DEFB1: variants seen among roughly 807,000 people sequenced by gnomAD.
DEFB1 encodes the protein beta-defensin 1.
A neutral mutation model predicts 2.6 loss-of-function variants in DEFB1; 4 were observed. The ratio of observed to expected loss-of-function variants is 1.53; its 90% CI spans 0.76 to 3.51. The LOEUF (loss-of-function observed/expected upper bound fraction) is 3.51. Among genes scored for constraint, DEFB1 ranks in the 30% most tolerant of loss-of-function variants. The pLI, the probability that DEFB1 is intolerant of heterozygous loss-of-function variation, is 0.01. For synonymous variants in DEFB1, 56 were observed against 28.5 expected, an observed-to-expected ratio of 1.96 and a Z score of -3.07; for missense variants, 162 against 76.9, an observed-to-expected ratio of 2.11 and a Z score of -4.14.
intron 1 of DEFB1, among the ~76,000 whole-genome samples, chr8:6,874,153 A>G (rs2977775): frequency 0.16 from 22,917 of 141,816 alleles, 2,021 homozygotes; most frequent in Admixed American, 0.23. Flanking sequence ...ACACGCACAC[A>G]CACGCACATG....
intron 1 of DEFB1, among the ~76,000 whole-genome samples, chr8:6,874,353 CT>C (rs924229049): frequency 2.0e-5 from 1 of 48,936 alleles, no homozygotes; most frequent in Non-Finnish European, 4.0e-5. Context: ...TTGAAGATTA[CT>C]TTTTTAAAAA....
At chr8:6,872,870 A>T (rs557872296) in intron 1 of DEFB1, among the ~76,000 whole-genome samples, 4 of 152,332 alleles carry the variant, frequency 2.6e-5, no homozygotes, top group African/African-American at 9.6e-5. Context: ...GTCTCCCTGC[A>T]CTGGAGGCTC....
intron 1 of DEFB1, among the ~76,000 whole-genome samples, chr8:6,872,154 T>G (rs1372586678): frequency 6.6e-6 from 1 of 152,106 alleles, no homozygotes; most frequent in Non-Finnish European, 1.5e-5. Flanking sequence ...TGGATGTGTT[T>G]AAGTTGGCCA....
chr8:6,870,923 C>G lies in DEFB1; in HGVS notation c.62-97G>C. On this transcript the variant is annotated intron_variant, in intron 1 of 1. Coordinates refer to ENST00000297439, the MANE Select transcript of DEFB1 (RefSeq NM_005218.4). ...AGCAGAACAAATAACTGCAAAACAC[C>G]GGAGAGTCTTCTCTTCCAAGAAATT... 5 of 1,328,222 alleles carry G rather than the reference C, an allele frequency of 3.8e-6. No homozygotes were observed. In the South Asian group the frequency reaches 4.5e-5, roughly 12 times the overall value. 82.3% of individuals were successfully genotyped at this position (1,328,222 alleles called of 1,614,324 possible). A position where few individuals can be genotyped will look rare whatever the true frequency, so the allele number is the denominator to read the frequency against.
intron 1 of DEFB1, 28 bp from the exon 2 acceptor site, chr8:6,870,854 GA>G (rs770283057): frequency 6.3e-7 from 1 of 1,588,196 alleles, no homozygotes; most frequent in African/African-American, 1.4e-5. Flanking sequence ...AAACACTTCA[GA>G]CTCATGGCTT....
chr8:6,871,745 C>T (rs1806325853), intron 1 of DEFB1, among the ~76,000 whole-genome samples: 1 of 152,122 alleles, frequency 6.6e-6, no homozygotes, highest in African/African-American at 2.4e-5. Context: ...ATGTGAGGAC[C>T]CAGGGAGGCG....
intron 1 of DEFB1, among the ~76,000 whole-genome samples, chr8:6,871,572 C>T (rs943698583): frequency 6.6e-6 from 1 of 152,154 alleles, no homozygotes; most frequent in Non-Finnish European, 1.5e-5. Flanking sequence ...AAAAGAATTC[C>T]TGTGTCGAAG....
chr8:6,871,247 G>T (rs768089578), intron 1 of DEFB1, among the ~76,000 whole-genome samples: 1 of 152,124 alleles, frequency 6.6e-6, no homozygotes, highest in Non-Finnish European at 1.5e-5. Context: ...CTTCAGTTAC[G>T]CTGTTCCCTC....
intron 1 of DEFB1, among the ~76,000 whole-genome samples, chr8:6,876,419 G>A (rs764191569): frequency 2.6e-5 from 4 of 152,184 alleles, no homozygotes; most frequent in Non-Finnish European, 4.4e-5. Flanking sequence ...GGAGGTTGCA[G>A]TGAGCTGAGA....
intron 1 of DEFB1, among the ~76,000 whole-genome samples, chr8:6,874,973 C>A (rs940691427): frequency 8.8e-6 from 1 of 114,036 alleles, no homozygotes; most frequent in African/African-American, 3.2e-5. Flanking sequence ...CAGAGCGAGA[C>A]TCAGTCTCAA....
intron 1 of DEFB1, among the ~76,000 whole-genome samples, chr8:6,871,972 T>G (rs541948036): frequency 4.6e-5 from 7 of 152,316 alleles, no homozygotes; most frequent in African/African-American, 1.7e-4. Flanking sequence ...ATTCTCATGT[T>G]GCAGATCTCT....
Position 6,876,187 on chromosome 8 carries a change from A to C in DEFB1, c.61+1610T>G, listed in dbSNP as rs5743442. Among the ~76,000 whole-genome samples the C allele has an allele frequency of 2.2e-3, 328 of 152,288 alleles. 4 individuals carry two copies. The highest frequency in any genetic ancestry group is 7.6e-3 in the African/African-American group (315 of 41,552). ...AAGTAATATTTTCTATTCCTTTAAA[A>C]AAACATGGGCTGGGCGTGGTGGCTC... On this transcript the variant is annotated intron_variant, in intron 1 of 1. Coordinates refer to ENST00000297439, the MANE Select transcript of DEFB1 (RefSeq NM_005218.4).
chr8:6,875,297 C>A (rs1197148464), intron 1 of DEFB1, among the ~76,000 whole-genome samples: 1 of 152,134 alleles, frequency 6.6e-6, no homozygotes, highest in Admixed American at 6.6e-5. Flanking sequence ...ATAAAAGCCT[C>A]TTTTCTAGGA....
chr8:6,877,820 A>T lies in DEFB1; in HGVS notation c.38T>A (p.Leu13Ter). The T allele has an allele frequency of 1.9e-6, 3 of 1,614,028 alleles. No homozygotes were observed. The highest frequency in any genetic ancestry group is 2.5e-6 in the Non-Finnish European group (3 of 1,179,912). The change falls in exon 1 of 2, where the codon TTA (leucine) becomes TAA (stop). Residue 13 changes from leucine (L) to a stop codon, truncating the protein, a stop_gained. Coordinates refer to ENST00000297439, the MANE Select transcript of DEFB1 (RefSeq NM_005218.4). LOFTEE classifies it low-confidence loss of function (END_TRUNC). ...TSYLLLFTLC[L>*]LLSEMASGGN... The stretch of plus-strand genomic sequence containing the variant: ...ACCTGAGGCCATCTCAGACAAAAGT[A>T]AGCAGAGAGTAAACAGCAGAAGGTA...
chr8:6,877,590 G>T (rs1207227365), intron 1 of DEFB1, among the ~76,000 whole-genome samples: 1 of 152,204 alleles, frequency 6.6e-6, no homozygotes. Flanking sequence ...ACCCTGCCAG[G>T]CTCACTCCTT....
intron 1 of DEFB1, among the ~76,000 whole-genome samples, chr8:6,876,321 C>G (rs183313043): frequency 6.6e-6 from 1 of 151,988 alleles, no homozygotes; most frequent in East Asian, 1.9e-4. Flanking sequence ...CTAAAAAATA[C>G]AAAAATTAGC....
intron 1 of DEFB1, among the ~76,000 whole-genome samples, chr8:6,871,106 G>A (rs533938753): frequency 3.6e-4 from 55 of 152,300 alleles, no homozygotes; most frequent in African/African-American, 1.2e-3. Context: ...AATGTGCAGG[G>A]AATTCAAGTT....
chr8:6,870,754 A>T lies in DEFB1; in HGVS notation c.134T>A (p.Leu45His). 1 of 1,614,250 alleles carries T rather than the reference A, an allele frequency of 6.2e-7. No homozygotes were observed. The highest frequency in any genetic ancestry group is 1.1e-5 in the South Asian group (1 of 91,092). The change falls in exon 2 of 2, where the codon CTC (leucine) becomes CAC (histidine). Residue 45 changes from leucine (L) to histidine (H), a missense_variant. Transcript: ENST00000297439. ...GGTAAAGATCGGGCAGGCAGAATAG[A>T]GACATTGCCCTCCACTGCTGACGCA... ...YNCVSSGGQC[L>H]YSACPIFTKI...
rs71214967 is a variant in DEFB1 at position 6,875,109 on chromosome 8, C to CA, written c.61+2687_61+2688insT. Among the ~76,000 whole-genome samples, 380 of 145,430 alleles carry CA rather than the reference C, an allele frequency of 2.6e-3. 2 individuals carry two copies. The highest frequency in any genetic ancestry group is 9.4e-3 in the African/African-American group (361 of 38,450). Reference sequence around the variant, plus strand: ...ACACACACACACACACACACACACACCCCATTGCCAGATGGATTGTAAGTC... The same window carrying CA: ...ACACACACACACACACACACACACACACCCATTGCCAGATGGATTGTAAGTC... On this transcript the variant is annotated intron_variant, in intron 1 of 1. Coordinates refer to ENST00000297439, the MANE Select transcript of DEFB1 (RefSeq NM_005218.4).
Sources: allele counts gnomAD v4.1 joint callset (sites outside exome capture counted in the v4.1 genomes callset), GRCh38; gene constraint gnomAD v4.1.1; transcripts MANE v1.5; gene names NCBI Gene and HGNC (gene_info 2026-07-23, HGNC 2026-07-21).